Variants in MTERF2 observed in about 807,000 individuals in gnomAD.
The protein encoded by MTERF2 is mitochondrial transcription termination factor 2.
Under a neutral mutation model 29.2 loss-of-function variants are expected in MTERF2, and 23 were observed. The ratio of observed to expected loss-of-function variants is 0.79; its 90% CI spans 0.57 to 1.12. MTERF2 has a LOEUF of 1.12. Among genes scored for constraint, MTERF2 ranks in the 50% most tolerant of loss-of-function variants. The probability of loss-of-function intolerance (pLI) is 0.00; values close to 1 mark genes in which losing one functional copy is unlikely to be tolerated. For synonymous variants in MTERF2, 157 were observed against 159.5 expected (o/e 0.98, Z 0.12); for missense variants, 440 against 429.4 (o/e 1.02, Z -0.22).
Position 106,977,769 on chromosome 12 carries a change from T to C in MTERF2, c.946A>G (p.Ile316Val), listed in dbSNP as rs372726322. The stretch of plus-strand genomic sequence containing the variant: ...TCAAGAACCATTGGCGTCTCTCTTA[T>C]CTGAGCTATGGAAATTCCTTCTCTC... ...LLREGISIAQ[I>V]RETPMVLELT... Residue 316 changes from isoleucine to valine, a missense_variant, in exon 3 of 3, where the codon ATA becomes GTA. Coordinates refer to ENST00000240050, the MANE Select transcript of MTERF2 (RefSeq NM_001033050.3). 5.0e-6 allele frequency: 8 copies of C among 1,614,040 alleles called. No homozygotes were observed. Among genetic ancestry groups the C allele is most frequent in the African/African-American group, 1.3e-5 (1 of 75,048 alleles).
At chr12:106,979,656 C>T (rs1022657930) in intron 2 of MTERF2, among the ~76,000 whole-genome samples, 2 of 152,162 alleles carry the variant, frequency 1.3e-5, no homozygotes, top group African/African-American at 4.8e-5. Context: ...TGCCACATGA[C>T]TGTTCCCGTG....
chr12:106,982,084 A>G (rs965480815), intron 2 of MTERF2, among the ~76,000 whole-genome samples: 2 of 152,168 alleles, frequency 1.3e-5, no homozygotes, highest in Admixed American at 1.3e-4. Flanking sequence ...AGCCTCTGTC[A>G]GTGGATGTGC....
At chr12:106,978,906 T>G in intron 2 of MTERF2, 135 bp from the exon 3 acceptor site, 1 of 506,740 alleles carries the variant, frequency 2.0e-6, no homozygotes, top group Non-Finnish European at 3.3e-6. Flanking sequence ...ATGTGGAATA[T>G]TTTTAAAAAT....
chr12:106,978,149 C>T lies in MTERF2; in HGVS notation c.566G>A (p.Arg189Lys). 3.7e-6 allele frequency: 6 copies of T among 1,614,100 alleles called. No individual in the cohort carries two copies. Among genetic ancestry groups the T allele is most frequent in the Non-Finnish European group, 4.2e-6 (5 of 1,180,012 alleles). ...NPVEKNKQMV[R>K]ILQESYLDVG... ...ATCTAGATAACTCTCTTGGAGAATT[C>T]TTACCATTTGCTTATTCTTCTCAAC... The change falls in exon 3 of 3, where the codon AGA becomes AAA. Residue 189 changes from arginine to lysine, a missense_variant. Coordinates refer to ENST00000240050, the MANE Select transcript of MTERF2 (RefSeq NM_001033050.3).
chr12:106,985,959 CACA>C (rs1277236521), intron 1 of MTERF2: 2 of 152,180 alleles, frequency 1.3e-5, no homozygotes, highest in Non-Finnish European at 2.9e-5. Flanking sequence ...GACCCACGCT[CACA>C]ACATTTCGCA....
At chr12:106,981,980 T>C (rs4964513) in intron 2 of MTERF2, among the ~76,000 whole-genome samples, 20,803 of 152,164 alleles carry the variant, frequency 0.14, 2,027 homozygotes, top group African/African-American at 0.26. Context: ...TATTTTGGCA[T>C]ACATGATGAT....
chr12:106,978,109 C>T lies in MTERF2; in HGVS notation c.606G>A (p.Glu202=). Residue 202 remains glutamate (E), a synonymous_variant, in exon 3 of 3, where the codon GAG becomes GAA. Coordinates refer to ENST00000240050, the MANE Select transcript of MTERF2 (RefSeq NM_001033050.3). The stretch of plus-strand genomic sequence containing the variant: ...TTAGTAGCCAAACTTTCATGTTGGC[C>T]TCAGAGCCACCTACATCTAGATAAC... ...QESYLDVGGS[E]ANMKVWLLKL... is the part of the protein sequence containing the mutation. The T allele has an allele frequency of 6.2e-7, 1 of 1,614,052 alleles. No homozygotes were observed. Among genetic ancestry groups the T allele is most frequent in the African/African-American group, 1.3e-5 (1 of 75,020 alleles).
intron 2 of MTERF2, among the ~76,000 whole-genome samples, chr12:106,981,498 C>T (rs559248925): frequency 1.3e-5 from 2 of 152,076 alleles, no homozygotes; most frequent in Admixed American, 6.5e-5. Context: ...GAACTGAAAA[C>T]CAAAAAGTTT....
At chr12:106,984,423 CT>C (rs1412214828) in intron 2 of MTERF2, among the ~76,000 whole-genome samples, 1 of 152,090 alleles carries the variant, frequency 6.6e-6, no homozygotes, top group African/African-American at 2.4e-5. Flanking sequence ...AGTTTTCATT[CT>C]TATCTCTTTT....
At chr12:106,985,301 C>A (rs1254445635) in intron 1 of MTERF2, 76 bp from the exon 2 acceptor site, 1 of 152,300 alleles carries the variant, frequency 6.6e-6, no homozygotes, top group African/African-American at 2.4e-5. Flanking sequence ...TACAAGGCCT[C>A]TTTGGGCTCT....
At position 106,979,694 on chromosome 12, in the gene MTERF2, G is replaced by A. The variant is rs139190338; in HGVS notation, c.-57-923C>T. Among the ~76,000 whole-genome samples, 600 of 152,242 alleles carry A rather than the reference G, an allele frequency of 3.9e-3. 1 individual carries two copies. The highest frequency in any genetic ancestry group is 0.014 in the African/African-American group (574 of 41,536). On this transcript the variant is annotated intron_variant, in intron 2 of 2. Coordinates refer to ENST00000240050, the MANE Select transcript of MTERF2 (RefSeq NM_001033050.3). ...GCCATGGGAAATCAGGTCAGCTGTG[G>A]AATGGTGACTGTACTTTCAGAACAG...
At chr12:106,980,298 CA>C (rs1391902380) in intron 2 of MTERF2, among the ~76,000 whole-genome samples, 5 of 152,018 alleles carry the variant, frequency 3.3e-5, no homozygotes, top group Admixed American at 1.3e-4. Context: ...CTGAGTTGGA[CA>C]AAAAATAGGA....
In MTERF2 at chr12:106,977,708, T is replaced by G; in HGVS notation, c.1007A>C (p.Lys336Thr). The G allele has an allele frequency of 6.2e-7, 1 of 1,614,034 alleles. No individual in the cohort carries two copies. Among genetic ancestry groups the G allele is most frequent in the Non-Finnish European group, 8.5e-7 (1 of 1,179,976 alleles). ...TPQIVQYRIR[K>T]LNSSGYRIKD... ...TATTCTGTAGCCTGAGGAATTCAGT[T>G]TCCTTATCCTGTACTGTACTATCTG... The change falls in exon 3 of 3, where the codon AAA becomes ACA. Residue 336 changes from lysine to threonine, a missense_variant. Physicochemically the swap from Lys to Thr is moderately conservative, Grantham distance 78. Coordinates refer to ENST00000240050, the MANE Select transcript of MTERF2 (RefSeq NM_001033050.3).
rs764576375 is a variant in MTERF2, at chr12:106,978,163, ATTC to A, written c.549_551del (p.Lys183del). On this transcript the variant is annotated inframe_deletion, in exon 3 of 3. Transcript: ENST00000240050. ...CTTGGAGAATTCTTACCATTTGCTT[ATTC>A]TTCTCAACAGGATTATGAAAAACAT... 21 of 1,614,088 alleles carry A rather than the reference ATTC, an allele frequency of 1.3e-5. No homozygotes were observed. The East Asian group carries it at 4.0e-4, about 31-fold the overall frequency.
At chr12:106,983,499 C>T (rs1006632427) in intron 2 of MTERF2, among the ~76,000 whole-genome samples, 9 of 152,166 alleles carry the variant, frequency 5.9e-5, no homozygotes, top group Non-Finnish European at 1.0e-4. Context: ...GTTAATTTCA[C>T]GTGGTCAAAG....
Position 106,977,370 on chromosome 12 carries a change from T to A in MTERF2, c.*187A>T. 1 of 475,976 alleles carries A rather than the reference T, an allele frequency of 2.1e-6. No homozygotes were observed. Among genetic ancestry groups the A allele is most frequent in the Non-Finnish European group, 3.5e-6 (1 of 281,988 alleles). The allele number at this position is 475,976 out of a possible 1,614,324, so 29.5% of individuals were successfully genotyped here. A position where few individuals can be genotyped will look rare whatever the true frequency, so the allele number is the denominator to read the frequency against. ...GTAAAAGTTACCAACCTTATTAAAA[T>A]AAATATGATTTATATTTTATAATAT... On this transcript the variant is annotated 3_prime_UTR_variant, in exon 3 of 3. Coordinates refer to ENST00000240050, the MANE Select transcript of MTERF2 (RefSeq NM_001033050.3).
In MTERF2 at chr12:106,977,604, C is replaced by A. The variant is rs775566859; in HGVS notation, c.1111G>T (p.Val371Leu). The change falls in exon 3 of 3, where the codon GTA (valine) becomes TTA (leucine). Residue 371 changes from valine to leucine, a missense_variant. Val to Leu is a conservative substitution (Grantham distance 32). Transcript: ENST00000240050. ...GCCACAGGGTTAAATAATGGCCTTA[C>A]TTTTTTGGCCTGAATTTTGCCAAAA... ...ANFGKIQAKK[V>L]RPLFNPVAPL... The A allele has an allele frequency of 1.2e-5, 19 of 1,613,362 alleles. No homozygotes were observed. Among genetic ancestry groups the A allele is most frequent in the Non-Finnish European group, 1.1e-5 (13 of 1,179,760 alleles).
Position 106,977,852 on chromosome 12 carries a change from C to A in MTERF2, c.863G>T (p.Cys288Phe). The A allele has an allele frequency of 6.2e-7, 1 of 1,613,882 alleles. No homozygotes were observed. Among genetic ancestry groups the A allele is most frequent in the Non-Finnish European group, 8.5e-7 (1 of 1,179,990 alleles). ...DHDLKQLVLK[C>F]PALLYYSVPV... ...AACAGAATAATATAAAAGGGCAGGA[C>A]ATTTCAAAACTAATTGCTTCAGGTC... Residue 288 changes from cysteine to phenylalanine, a missense_variant, in exon 3 of 3, where the codon TGT becomes TTT. By Grantham distance (205) the Cys-to-Phe change is radical. Transcript: ENST00000240050.
rs757778692 is a variant in MTERF2, at chr12:106,977,523, G to A, written c.*34C>T. On this transcript the variant is annotated 3_prime_UTR_variant, in exon 3 of 3. Transcript: ENST00000240050. ...TGTCTTTGCTAGTTAGTTTCACCCTGCACTGCTAGAAAGAAGCAACAACAG... is the reference window on the plus strand; with the variant it reads ...TGTCTTTGCTAGTTAGTTTCACCCTACACTGCTAGAAAGAAGCAACAACAG... 9 of 1,563,948 alleles carry A rather than the reference G, an allele frequency of 5.8e-6. No homozygotes were observed. Among genetic ancestry groups the A allele is most frequent in the Non-Finnish European group, 6.9e-6 (8 of 1,158,246 alleles).
Sources: allele counts gnomAD v4.1 joint callset (sites outside exome capture counted in the v4.1 genomes callset), GRCh38; gene constraint gnomAD v4.1.1; transcripts MANE v1.5; gene names NCBI Gene and HGNC (gene_info 2026-07-23, HGNC 2026-07-21).